The following NUP205 variants were observed in gnomAD, a reference collection of about 807,000 sequenced individuals.
The protein encoded by NUP205 is nuclear pore complex protein Nup205.
NUP205 carries 76 observed loss-of-function variants against 253.8 expected under a neutral mutation model. The ratio of observed to expected loss-of-function variants is 0.30; its 90% confidence interval spans 0.25 to 0.36. The LOEUF (loss-of-function observed/expected upper bound fraction) is 0.36. Among genes scored for constraint, NUP205 ranks in the 10% least tolerant of loss-of-function variants. The probability of loss-of-function intolerance (pLI) is 1.00; values close to 1 mark genes in which losing one functional copy is unlikely to be tolerated. For synonymous variants in NUP205, 832 were observed against 850.1 expected, an observed-to-expected ratio of 0.98 and a Z score of 0.37; for missense variants, 2,162 against 2,425.5, an observed-to-expected ratio of 0.89 and a Z score of 2.28.
intron 28 of NUP205, 96 bp from the exon 29 acceptor site, chr7:135,619,327 G>A: frequency 7.6e-7 from 1 of 1,324,026 alleles, no homozygotes; most frequent in South Asian, 1.4e-5. Flanking sequence ...CGGTGACAGA[G>A]CGAGACCCTG....
At chr7:135,564,296 G>C (rs1288685660) in intron 1 of NUP205, among the ~76,000 whole-genome samples, 1 of 149,510 alleles carries the variant, frequency 6.7e-6, no homozygotes, top group East Asian at 2.0e-4. Context: ...ACCCAGGCTG[G>C]AGTGCAATGG....
chr7:135,595,726 T>C (rs1793817260), intron 13 of NUP205, among the ~76,000 whole-genome samples: 1 of 152,178 alleles, frequency 6.6e-6, no homozygotes, highest in Non-Finnish European at 1.5e-5. Context: ...AACTTCAAAA[T>C]ATTAGCATTC....
At chr7:135,628,263 G>C (rs1794636320) in intron 34 of NUP205, 152 bp downstream of exon 34, 1 of 566,532 alleles carries the variant, frequency 1.8e-6, no homozygotes. Context: ...CCTGTACTTT[G>C]TTCTTAACTA....
chr7:135,621,216 G>C (rs1205159518), intron 30 of NUP205, among the ~76,000 whole-genome samples: 1 of 152,190 alleles, frequency 6.6e-6, no homozygotes, highest in African/African-American at 2.4e-5. Context: ...CCAAATGGTA[G>C]ATTTATAGGC....
chr7:135,590,676 G>T (rs1054688008), intron 10 of NUP205, among the ~76,000 whole-genome samples: 3 of 151,978 alleles, frequency 2.0e-5, no homozygotes, highest in African/African-American at 7.3e-5. Context: ...GGGACTACAG[G>T]TGTGTGCCAC....
chr7:135,643,797 C>T (rs1343609229), intron 39 of NUP205, among the ~76,000 whole-genome samples: 1 of 152,200 alleles, frequency 6.6e-6, no homozygotes, highest in Non-Finnish European at 1.5e-5. Context: ...AGCATTCCCT[C>T]TACTTACAGT....
rs548206233 is a variant in NUP205, at chr7:135,594,155, A to C, written c.1831-392A>C. On this transcript the variant is annotated intron_variant, in intron 12 of 42. Coordinates refer to ENST00000285968, the MANE Select transcript of NUP205 (RefSeq NM_015135.3). ...GTGATACTTGATACTGTATATCTCT[A>C]TATTTTTTTTTGAGAAAAGGACAAG... Among the ~76,000 whole-genome samples, 10 of 152,162 alleles carry C rather than the reference A, an allele frequency of 6.6e-5. No homozygotes were observed. In the East Asian group the frequency reaches 7.7e-4, roughly 12 times the overall value.
Position 135,597,090 on chromosome 7 carries a change from C to T in NUP205, c.2014-278C>T, listed in dbSNP as rs568873131. 2.1e-4 allele frequency: 74 copies of T among 357,958 alleles called. No individual in the cohort carries two copies. The Middle Eastern group carries it at 5.9e-3, about 28-fold the overall frequency. The allele number at this position is 357,958 out of a possible 1,614,324, so 22.2% of individuals were successfully genotyped here. ...ATCCCATAAATCCTTTTTAAAGATT[C>T]ATTTCCTAGAATATCTGAGAGGAAA... On this transcript the variant is annotated intron_variant, in intron 13 of 42. Transcript: ENST00000285968.
At chr7:135,598,346 G>A (rs1452968664) in intron 15 of NUP205, 139 bp downstream of exon 15, 3 of 770,488 alleles carry the variant, frequency 3.9e-6, no homozygotes, top group Non-Finnish European at 6.2e-6. Context: ...TCTATGAAGT[G>A]GTCTGATTAG....
intron 11 of NUP205, among the ~76,000 whole-genome samples, chr7:135,592,724 C>T (rs1806660887): frequency 6.6e-6 from 1 of 151,912 alleles, no homozygotes; most frequent in Non-Finnish European, 1.5e-5. Flanking sequence ...CTGTCTTTAC[C>T]AAAAAGACAA....
At chr7:135,647,129 C>G (rs1191031662) in intron 42 of NUP205, among the ~76,000 whole-genome samples, 1 of 152,122 alleles carries the variant, frequency 6.6e-6, no homozygotes, top group East Asian at 1.9e-4. Flanking sequence ...CAATGAAAAC[C>G]TCATATTAAA....
rs1430963504 is a variant in NUP205 at position 135,571,213 on chromosome 7, A to G, written c.137A>G (p.His46Arg). The G allele has an allele frequency of 6.9e-7, 1 of 1,452,132 alleles. No homozygotes were observed. The highest frequency in any genetic ancestry group is 9.1e-7 in the Non-Finnish European group (1 of 1,097,948). The allele number at this position is 1,452,132 out of a possible 1,614,324, so 90.0% of individuals were successfully genotyped here. ...CTTCTTGATAAGATTTTGAAGAAAC[A>G]CAAACCTGACTTCATCTCATTGTTC... ...VHLLDKILKK[H>R]KPDFISLFKN... Residue 46 changes from histidine to arginine, a missense_variant, in exon 2 of 43, where the codon CAC (histidine) becomes CGC (arginine). Around this residue, in one of 5 missense-constraint regions of NUP205, gnomAD observed 109 missense variants for 131.8 expected, o/e 0.83. Coordinates refer to ENST00000285968, the MANE Select transcript of NUP205 (RefSeq NM_015135.3).
At chr7:135,639,012 T>A (rs1272665964) in intron 38 of NUP205, among the ~76,000 whole-genome samples, 1 of 152,184 alleles carries the variant, frequency 6.6e-6, no homozygotes, top group Non-Finnish European at 1.5e-5. Flanking sequence ...ATATGTTAAA[T>A]CATGTTAAGC....
At chr7:135,560,817 G>C (rs1219442323) in intron 1 of NUP205, among the ~76,000 whole-genome samples, 1 of 151,770 alleles carries the variant, frequency 6.6e-6, no homozygotes, top group Non-Finnish European at 1.5e-5. Context: ...GTTGCCAGGG[G>C]CTGGGAAAGG....
At chr7:135,606,391 AC>A (rs1232472122) in intron 20 of NUP205, among the ~76,000 whole-genome samples, 165 bp downstream of exon 20, 1 of 151,972 alleles carries the variant, frequency 6.6e-6, no homozygotes, top group Non-Finnish European at 1.5e-5. Context: ...AAAATCTGAA[AC>A]CTTTTGACCA....
chr7:135,629,493 CTCTCTCTCTCTCTCTCTG>C (rs1179615484), intron 34 of NUP205, among the ~76,000 whole-genome samples: 5 of 143,812 alleles, frequency 3.5e-5, no homozygotes, highest in African/African-American at 1.3e-4. Flanking sequence ...CTCTCTCTCT[CTCTCTCTCTCTCTCTCTG>C]TCTCTCTCTC....
chr7:135,644,849 T>G (rs764840913), intron 39 of NUP205, 46 bp from the exon 40 acceptor site: 14 of 1,589,904 alleles, frequency 8.8e-6, no homozygotes, highest in Admixed American at 5.3e-5. Context: ...CATTAAAAAT[T>G]TCATTCCAGT....
chr7:135,623,006 G>A, intron 31 of NUP205, 81 bp downstream of exon 31: 1 of 1,412,134 alleles, frequency 7.1e-7, no homozygotes, highest in Non-Finnish European at 9.8e-7. Flanking sequence ...GGCTGGGTGT[G>A]GTGCCTCATG....
intron 15 of NUP205, 41 bp downstream of exon 15, chr7:135,598,248 C>T: frequency 6.6e-7 from 1 of 1,523,580 alleles, no homozygotes; most frequent in Middle Eastern, 1.7e-4. Flanking sequence ...TATGCATTTA[C>T]TGCTTTTTCT....
Sources: gnomAD v4.1 joint callset for allele counts (sites outside exome capture counted in the v4.1 genomes callset) on GRCh38, gnomAD v4.1.1 for gene constraint, gnomAD v4.1.1 regional missense constraint, MANE v1.5 for transcripts, NCBI Gene and HGNC (gene_info 2026-07-23, HGNC 2026-07-21) for gene names.